Variants in RCOR1 observed in about 807,000 individuals in gnomAD.
RCOR1 encodes the protein REST corepressor 1.
In RCOR1, 12 loss-of-function variants were observed where a neutral mutation model predicts 64.0. That is an observed-to-expected ratio of 0.19 (90% confidence interval 0.12 to 0.30). The LOEUF (loss-of-function observed/expected upper bound fraction) is 0.30. Among genes scored for constraint, RCOR1 ranks in the 10% least tolerant of loss-of-function variants. RCOR1 has a pLI of 1.00. For missense variants in RCOR1, 502 were observed against 621.2 expected (o/e 0.81, Z 2.04); for synonymous variants, 279 against 227.2 (o/e 1.23, Z -2.05).
intron 8 of RCOR1, among the ~76,000 whole-genome samples, chr14:102,719,254 C>G (rs1349723500): frequency 1.3e-5 from 2 of 151,968 alleles, no homozygotes; most frequent in African/African-American, 4.8e-5. Context: ...TCTTCTTCTT[C>G]TTTTTTTAAA....
In RCOR1 at chr14:102,593,057, C is replaced by T; in HGVS notation, c.171C>T (p.Ala57=). 1 of 1,395,760 alleles carries T rather than the reference C, an allele frequency of 7.2e-7. No homozygotes were observed. The highest frequency in any genetic ancestry group is 9.4e-7 in the Non-Finnish European group (1 of 1,067,064). 86.5% of individuals were successfully genotyped at this position (1,395,760 alleles called of 1,614,324 possible). The change falls in exon 1 of 12, where the codon GCC becomes GCT. Residue 57 remains alanine, a synonymous_variant. Transcript: ENST00000262241. ...SGAAASSASA[A]AASAAAAPNN... Reference sequence around the variant, plus strand: ...CCGCCGCCTCCTCAGCCTCGGCCGCCGCCGCCTCAGCCGCCGCCGCCCCCA... The same window carrying T: ...CCGCCGCCTCCTCAGCCTCGGCCGCTGCCGCCTCAGCCGCCGCCGCCCCCA...
At chr14:102,625,397 G>A (rs1228263525) in intron 2 of RCOR1, among the ~76,000 whole-genome samples, 2 of 151,508 alleles carry the variant, frequency 1.3e-5, no homozygotes, top group South Asian at 2.1e-4. Flanking sequence ...TACTATGCCC[G>A]GCTAATTTTG....
In RCOR1 at chr14:102,730,035, C is replaced by G. The variant is rs1566717501; in HGVS notation, c.*3529C>G. On this transcript the variant is annotated 3_prime_UTR_variant, in exon 12 of 12. Transcript: ENST00000262241. ...TCTGCAGCTTCTCTTACCTGTCTTA[C>G]CTGTAGTAAAGCACAATTGCAGTGG... 1 of 399,060 alleles carries G rather than the reference C, an allele frequency of 2.5e-6. No individual in the cohort carries two copies. The highest frequency in any genetic ancestry group is 4.4e-6 in the Non-Finnish European group (1 of 226,072). The allele number at this position is 399,060 out of a possible 1,614,324, so 24.7% of individuals were successfully genotyped here.
rs765824861 is a variant in RCOR1, at chr14:102,711,536, A to G, written c.858+523A>G. ...CTGTTTCATCTTATCATTTTAAAAA[A>G]TCATTATACAAGAGATTGTAGTTTC... is the stretch of plus-strand genomic sequence containing the variant. On this transcript the variant is annotated intron_variant, in intron 7 of 11. Transcript: ENST00000262241. Among the ~76,000 whole-genome samples, 4 of 152,332 alleles carry G rather than the reference A, an allele frequency of 2.6e-5. No homozygotes were observed. The South Asian group carries it at 8.3e-4, about 32-fold the overall frequency.
chr14:102,676,460 C>T (rs1181776427), intron 2 of RCOR1, among the ~76,000 whole-genome samples: 204 of 100,194 alleles, frequency 2.0e-3, no homozygotes, highest in African/African-American at 8.2e-3. Context: ...GCCGGCCGGG[C>T]GGGGGGCTGA....
chr14:102,663,743 T>G (rs1894867837), intron 2 of RCOR1, among the ~76,000 whole-genome samples: 1 of 152,206 alleles, frequency 6.6e-6, no homozygotes, highest in South Asian at 2.1e-4. Context: ...GCCTAAAACA[T>G]TTCACTGTGA....
At chr14:102,616,226 G>A (rs202172986) in intron 2 of RCOR1, among the ~76,000 whole-genome samples, 2 of 85,666 alleles carry the variant, frequency 2.3e-5, no homozygotes, top group South Asian at 5.1e-4. Context: ...GTGTGTGTGT[G>A]TGTGTGTGTG....
chr14:102,602,353 T>G (rs1007602464), intron 2 of RCOR1, among the ~76,000 whole-genome samples: 4 of 151,856 alleles, frequency 2.6e-5, no homozygotes, highest in African/African-American at 9.7e-5. Context: ...ATGCTATCCT[T>G]TAATGGCTTA....
chr14:102,621,467 C>T (rs1273519188), intron 2 of RCOR1, among the ~76,000 whole-genome samples: 1 of 149,030 alleles, frequency 6.7e-6, no homozygotes, highest in Non-Finnish European at 1.5e-5. Context: ...CCTTGAACTC[C>T]TGGGCTCAAA....
intron 2 of RCOR1, chr14:102,659,189 C>G (rs2139938134): frequency 1.0e-6 from 1 of 984,262 alleles, no homozygotes; most frequent in African/African-American, 1.7e-5. Flanking sequence ...ATAAAATCTC[C>G]ATAAATACTT....
At chr14:102,690,121 G>GT (rs1388003904) in intron 3 of RCOR1, among the ~76,000 whole-genome samples, 3 of 151,856 alleles carry the variant, frequency 2.0e-5, no homozygotes, top group Admixed American at 2.0e-4. Flanking sequence ...ATAATTTAAA[G>GT]TTGTGTCAAA....
At chr14:102,711,640 C>T (rs1895960648) in intron 7 of RCOR1, among the ~76,000 whole-genome samples, 1 of 152,176 alleles carries the variant, frequency 6.6e-6, no homozygotes, top group Non-Finnish European at 1.5e-5. Flanking sequence ...TCCAAAGACA[C>T]AGTCTATAGT....
intron 2 of RCOR1, chr14:102,656,146 A>ATT (rs143390089): frequency 4.1e-5 from 36 of 876,352 alleles, no homozygotes; most frequent in Non-Finnish European, 4.6e-5. Flanking sequence ...TATTTTTTTT[A>ATT]TTTTTTTTTT....
intron 2 of RCOR1, among the ~76,000 whole-genome samples, chr14:102,651,706 G>T (rs75721254): frequency 0.13 from 19,189 of 152,084 alleles, 1,459 homozygotes; most frequent in African/African-American, 0.21. Flanking sequence ...AAATAAATGG[G>T]TTATTTATTT....
intron 11 of RCOR1, among the ~76,000 whole-genome samples, chr14:102,725,737 G>A (rs554423875): frequency 6.6e-6 from 1 of 152,070 alleles, no homozygotes; most frequent in African/African-American, 2.4e-5. Context: ...CACCACGCAC[G>A]GCCAATATTT....
Position 102,714,517 on chromosome 14 carries a change from T to C in RCOR1, c.953T>C (p.Phe318Ser). The C allele has an allele frequency of 2.5e-6, 4 of 1,614,036 alleles. No individual in the cohort carries two copies. Among genetic ancestry groups the C allele is most frequent in the Non-Finnish European group, 3.4e-6 (4 of 1,179,914 alleles). The change falls in exon 8 of 12, where the codon TTT becomes TCT. Residue 318 changes from phenylalanine to serine, a missense_variant. Physicochemically the swap from Phe to Ser is radical, Grantham distance 155. Coordinates refer to ENST00000262241, the MANE Select transcript of RCOR1 (RefSeq NM_015156.4). ...RAKRKPPKGM[F>S]LSQEDVEAVS... ...AAAAGGAAACCTCCAAAAGGAATGT[T>C]TCTTTCTCAAGAAGATGTGGAGGCT...
intron 2 of RCOR1, among the ~76,000 whole-genome samples, chr14:102,665,311 CTTTTTT>C (rs35214723): frequency 7.6e-6 from 1 of 132,030 alleles, no homozygotes; most frequent in Non-Finnish European, 1.6e-5. Flanking sequence ...GGCCTCAACA[CTTTTTT>C]TTTTTTTTTT....
At chr14:102,676,138 A>G (rs963454868) in intron 2 of RCOR1, among the ~76,000 whole-genome samples, 3 of 147,976 alleles carry the variant, frequency 2.0e-5, no homozygotes, top group African/African-American at 7.5e-5. Context: ...CAACCATCCG[A>G]TTTCTCAATT....
At chr14:102,599,554 T>C (rs150540130) in intron 2 of RCOR1, among the ~76,000 whole-genome samples, 133 of 152,334 alleles carry the variant, frequency 8.7e-4, no homozygotes, top group African/African-American at 3.2e-3. Context: ...GCAACCTTTA[T>C]TTTGAATGTT....
Sources: gnomAD v4.1 joint callset for allele counts (sites outside exome capture counted in the v4.1 genomes callset) on GRCh38, gnomAD v4.1.1 for gene constraint, MANE v1.5 for transcripts, NCBI Gene and HGNC (gene_info 2026-07-23, HGNC 2026-07-21) for gene names.